The following THSD4 variants were observed in gnomAD, a reference collection of about 807,000 sequenced individuals.
THSD4 encodes thrombospondin type-1 domain-containing protein 4.
A neutral mutation model predicts 119.0 loss-of-function variants in THSD4; 69 were observed. The observed-to-expected ratio is 0.58, with a 90% CI of 0.48 to 0.71. The LOEUF (loss-of-function observed/expected upper bound fraction) is 0.71, where lower values mean the gene tolerates loss of function less well. THSD4 is among the 30% of genes least tolerant of loss of function. THSD4 has a pLI of 0.00. For missense variants in THSD4, 1,393 were observed against 1,391.1 expected (o/e 1.00, Z -0.02); for synonymous variants, 524 against 540.4 (o/e 0.97, Z 0.42).
At chr15:71,573,004 C>T (rs1270673595) in intron 7 of THSD4, among the ~76,000 whole-genome samples, 1 of 152,084 alleles carries the variant, frequency 6.6e-6, no homozygotes, top group Non-Finnish European at 1.5e-5. Context: ...TGATGCCCCA[C>T]CAAGGAGGAC....
chr15:71,641,540 G>C (rs922768147), intron 7 of THSD4, among the ~76,000 whole-genome samples: 1 of 151,982 alleles, frequency 6.6e-6, no homozygotes, highest in Non-Finnish European at 1.5e-5. Flanking sequence ...AAGGTTATGC[G>C]TCTTGCCTGA....
intron 10 of THSD4, among the ~76,000 whole-genome samples, chr15:71,736,966 G>T (rs2053126119): frequency 6.6e-6 from 1 of 152,186 alleles, no homozygotes; most frequent in South Asian, 2.1e-4. Context: ...GTATGTGTGT[G>T]TGTTCTGCTT....
At chr15:71,603,410 G>A (rs11854916) in intron 7 of THSD4, among the ~76,000 whole-genome samples, 44,859 of 152,070 alleles carry the variant, frequency 0.29, 7,382 homozygotes, top group Non-Finnish European at 0.37. Flanking sequence ...GCTCCACCCC[G>A]TTCTCCCAGT....
chr15:71,244,039 C>T (rs981981979), intron 5 of THSD4, among the ~76,000 whole-genome samples: 1 of 151,958 alleles, frequency 6.6e-6, no homozygotes, highest in African/African-American at 2.4e-5. Flanking sequence ...CCTGCCTCTG[C>T]CTCCCAAAGT....
At chr15:71,651,622 T>C (rs187730119) in intron 7 of THSD4, among the ~76,000 whole-genome samples, 2 of 150,996 alleles carry the variant, frequency 1.3e-5, no homozygotes, top group East Asian at 4.0e-4. Context: ...ATTTTGGAAA[T>C]ACAAGATTTG....
chr15:71,261,338 G>A (rs757976972), intron 6 of THSD4, among the ~76,000 whole-genome samples: 12 of 152,194 alleles, frequency 7.9e-5, no homozygotes, highest in Admixed American at 1.3e-4. Flanking sequence ...AGGAAAATGC[G>A]TGGAAGGATC....
intron 7 of THSD4, 67 bp from the exon 8 acceptor site, chr15:71,660,463 T>C: frequency 6.3e-7 from 1 of 1,591,572 alleles, no homozygotes; most frequent in East Asian, 2.2e-5. Context: ...CCAGGGATCT[T>C]CTCCCTTCCT....
At chr15:71,495,282 T>A (rs192007299) in intron 7 of THSD4, among the ~76,000 whole-genome samples, 19 of 152,242 alleles carry the variant, frequency 1.2e-4, no homozygotes, top group African/African-American at 4.3e-4. Context: ...GTTCCAACCC[T>A]GCCCTCAAAT....
chr15:71,376,735 C>T (rs899373396), intron 6 of THSD4, among the ~76,000 whole-genome samples: 6 of 152,174 alleles, frequency 3.9e-5, no homozygotes, highest in Admixed American at 2.0e-4. Context: ...TAAGCAAAGG[C>T]ATGAGGTCAG....
chr15:71,254,928 C>G (rs1462072597), intron 5 of THSD4, among the ~76,000 whole-genome samples: 1 of 152,126 alleles, frequency 6.6e-6, no homozygotes, highest in African/African-American at 2.4e-5. Flanking sequence ...GCTTCTTGCT[C>G]CATATGGTTC....
chr15:71,543,448 T>C (rs941149692), intron 7 of THSD4, among the ~76,000 whole-genome samples: 3 of 152,000 alleles, frequency 2.0e-5, no homozygotes, highest in South Asian at 4.1e-4. Flanking sequence ...CATAGACCTG[T>C]TGGGGAGCTC....
At chr15:71,437,407 T>C (rs1183562282) in intron 7 of THSD4, among the ~76,000 whole-genome samples, 4 of 152,160 alleles carry the variant, frequency 2.6e-5, no homozygotes, top group Admixed American at 6.5e-5. Flanking sequence ...GCCCAGGCAT[T>C]GACAGCTTGA....
intron 12 of THSD4, among the ~76,000 whole-genome samples, chr15:71,745,977 T>C (rs184761172): frequency 1.5e-3 from 223 of 152,240 alleles, no homozygotes; most frequent in African/African-American, 5.1e-3. Flanking sequence ...AATGGGACAC[T>C]TGAAGAAGAA....
chr15:71,609,303 G>A (rs1420031354), intron 7 of THSD4, among the ~76,000 whole-genome samples: 2 of 152,324 alleles, frequency 1.3e-5, no homozygotes, highest in East Asian at 1.9e-4. Context: ...GCACTGTATA[G>A]TTCATCACTG....
rs188054241 is a variant in THSD4, at chr15:71,667,754, T to A, written c.1357+7020T>A. ...TCCCTAATATTTTTTGCATGTTCAC[T>A]GTAAAAATTTCAAGGAAGACAAATG... is the stretch of plus-strand genomic sequence containing the variant. On this transcript the variant is annotated intron_variant, in intron 8 of 17. Coordinates refer to ENST00000261862, the MANE Select transcript of THSD4 (RefSeq NM_024817.3). Among the ~76,000 whole-genome samples the A allele has an allele frequency of 2.6e-5, 4 of 152,336 alleles. No homozygotes were observed. In the East Asian group the frequency reaches 7.7e-4, roughly 29 times the overall value.
intron 6 of THSD4, among the ~76,000 whole-genome samples, chr15:71,334,416 G>T (rs903249355): frequency 6.6e-5 from 10 of 152,124 alleles, no homozygotes; most frequent in African/African-American, 2.4e-4. Flanking sequence ...AAGAATTTGG[G>T]GATTCAGCAT....
chr15:71,435,793 C>T (rs1028857177), intron 7 of THSD4, among the ~76,000 whole-genome samples: 4 of 152,150 alleles, frequency 2.6e-5, no homozygotes, highest in African/African-American at 7.2e-5. Context: ...ACGCCTGTGA[C>T]ACAGGGCAGG....
intron 7 of THSD4, among the ~76,000 whole-genome samples, chr15:71,459,256 T>TC (rs2047385376): frequency 6.6e-6 from 1 of 151,226 alleles, no homozygotes; most frequent in South Asian, 2.1e-4. Context: ...CCTCTCAGGT[T>TC]CAAGCGATTC....
intron 7 of THSD4, among the ~76,000 whole-genome samples, chr15:71,471,764 A>C (rs1013526025): frequency 2.6e-5 from 4 of 151,714 alleles, no homozygotes; most frequent in African/African-American, 4.8e-5. Context: ...GGTGGCCGGG[A>C]GGATTCAGGT....
Sources: gnomAD v4.1 joint callset for allele counts (sites outside exome capture counted in the v4.1 genomes callset) on GRCh38, gnomAD v4.1.1 for gene constraint, MANE v1.5 for transcripts, NCBI Gene and HGNC (gene_info 2026-07-23, HGNC 2026-07-21) for gene names.